Variants in CHRDL1 observed in about 807,000 individuals in gnomAD.
CHRDL1 encodes chordin-like protein 1.
Under a neutral mutation model 40.9 loss-of-function variants are expected in CHRDL1, and 19 were observed. The ratio of observed to expected loss-of-function variants is 0.46; its 90% CI spans 0.32 to 0.68. CHRDL1 has a LOEUF of 0.68. CHRDL1 is among the 30% of genes least tolerant of loss of function. CHRDL1 has a pLI of 0.03. For synonymous variants in CHRDL1, 136 were observed against 123.4 expected, an observed-to-expected ratio of 1.10 and a Z score of -0.68; for missense variants, 329 against 352.1, an observed-to-expected ratio of 0.93 and a Z score of 0.53.
At chrX:110,763,918 G>A (rs184889805) in intron 2 of CHRDL1, among the ~76,000 whole-genome samples, 1 of 111,506 alleles carries the variant, frequency 9.0e-6, no homozygotes, top group African/African-American at 3.3e-5. Context: ...GGAGTATGGT[G>A]GTATTGCATT....
At chrX:110,791,259 G>A (rs914633440) in intron 2 of CHRDL1, among the ~76,000 whole-genome samples, 7 of 111,493 alleles carry the variant, frequency 6.3e-5, no homozygotes, top group African/African-American at 2.3e-4. Flanking sequence ...GTCAAAAAGG[G>A]GAACTAGAGC....
intron 2 of CHRDL1, among the ~76,000 whole-genome samples, chrX:110,775,537 A>G (rs1160494495): frequency 9.0e-6 from 1 of 111,512 alleles, no homozygotes; most frequent in Non-Finnish European, 1.9e-5. Flanking sequence ...TTTTATATGT[A>G]TCTCATAACA....
At chrX:110,795,473 G>T (rs770067849) in intron 1 of CHRDL1, among the ~76,000 whole-genome samples, 2 of 111,687 alleles carry the variant, frequency 1.8e-5, no homozygotes, top group East Asian at 2.8e-4. Flanking sequence ...CTCTCAAAGC[G>T]CCAGAGCATA....
Position 110,674,006 on chromosome X carries a change from G to T in CHRDL1, c.*2225C>A, listed in dbSNP as rs2069721914. On this transcript the variant is annotated 3_prime_UTR_variant, in exon 12 of 12. Coordinates refer to ENST00000372042, the MANE Select transcript of CHRDL1 (RefSeq NM_001143981.2). ...CTTACTTGTTTACATGAGTTAACTA[G>T]AAAATGGCTACAACTGCTAAATGAT... 1 of 112,315 alleles carries T rather than the reference G, an allele frequency of 8.9e-6. No homozygotes were observed. Among genetic ancestry groups the T allele is most frequent in the Admixed American group, 9.5e-5 (1 of 10,550 alleles). 9.3% of individuals were successfully genotyped at this position (112,315 alleles called of 1,213,427 possible). A position where few individuals can be genotyped will look rare whatever the true frequency, so the allele number is the denominator to read the frequency against.
intron 6 of CHRDL1, among the ~76,000 whole-genome samples, chrX:110,718,301 C>T (rs1249558250): frequency 8.9e-6 from 1 of 112,149 alleles, no homozygotes; most frequent in Non-Finnish European, 1.9e-5. Context: ...CTAGTCTCTC[C>T]ACTTGCATTA....
chrX:110,690,023 GTATATCTATATATATCTA>G lies in CHRDL1; in HGVS notation c.779-1238_779-1221del, dbSNP rs2070235615. Among the ~76,000 whole-genome samples the G allele has an allele frequency of 1.4e-4, 2 of 14,587 alleles. 1 individual carries two copies. The highest frequency in any genetic ancestry group is 2.4e-4 in the Non-Finnish European group (2 of 8,274). 12.7% of individuals were successfully genotyped at this position (14,587 alleles called of 115,157 possible). Reference sequence around the variant, plus strand: ...TATATCTATATATATCTATATATCTGTATATCTATATATATCTATATATATATATATTTTTTTTTTGAG... The same window carrying G: ...TATATCTATATATATCTATATATCTGTATATATATATATTTTTTTTTTGAG... On this transcript the variant is annotated intron_variant, in intron 8 of 11. Coordinates refer to ENST00000372042, the MANE Select transcript of CHRDL1 (RefSeq NM_001143981.2).
chrX:110,747,176 T>C (rs1457651445), intron 4 of CHRDL1, among the ~76,000 whole-genome samples: 2 of 110,723 alleles, frequency 1.8e-5, no homozygotes, highest in Admixed American at 1.9e-4. Flanking sequence ...AAGCCAAACA[T>C]GCCCTCTGGC....
chrX:110,789,513 T>C (rs2090066559), intron 2 of CHRDL1, among the ~76,000 whole-genome samples: 1 of 112,187 alleles, frequency 8.9e-6, no homozygotes, highest in Admixed American at 9.5e-5. Context: ...TCTACAAATA[T>C]AGACTGGTTA....
At chrX:110,790,991 C>T (rs1177869889) in intron 2 of CHRDL1, among the ~76,000 whole-genome samples, 1 of 108,677 alleles carries the variant, frequency 9.2e-6, no homozygotes, top group African/African-American at 3.4e-5. Flanking sequence ...AAGAAGACTA[C>T]ACTTACTATG....
At chrX:110,787,107 AG>A in intron 2 of CHRDL1, among the ~76,000 whole-genome samples, 1 of 111,961 alleles carries the variant, frequency 8.9e-6, no homozygotes, top group Non-Finnish European at 1.9e-5. Flanking sequence ...CTTAAAATTA[AG>A]GGGATAATAT....
Position 110,697,826 on chromosome X carries a change from A to G in CHRDL1, c.609+2828T>C, listed in dbSNP as rs368507498. On this transcript the variant is annotated intron_variant, in intron 7 of 11. Transcript: ENST00000372042. Reference sequence around the variant, plus strand: ...ATACCACACCACTCCACACACACACACACACACACACACACACACACACAC... The same window carrying G: ...ATACCACACCACTCCACACACACACGCACACACACACACACACACACACAC... 1.7e-4 allele frequency among the ~76,000 whole-genome samples: 10 copies of G among 57,827 alleles called. No homozygotes were observed. The African/African-American group carries it at 3.0e-3, about 17-fold the overall frequency. The allele number at this position is 57,827 out of a possible 115,157, so 50.2% of individuals were successfully genotyped here. A position where few individuals can be genotyped will look rare whatever the true frequency, so the allele number is the denominator to read the frequency against.
At chrX:110,727,267 T>C (rs2071075453) in intron 4 of CHRDL1, among the ~76,000 whole-genome samples, 1 of 111,853 alleles carries the variant, frequency 8.9e-6, no homozygotes, top group South Asian at 3.8e-4. Context: ...ATTTTCAAAC[T>C]AGGTTCTGTG....
chrX:110,793,771 C>G (rs1410988137), intron 1 of CHRDL1, among the ~76,000 whole-genome samples: 1 of 111,761 alleles, frequency 8.9e-6, no homozygotes, highest in Admixed American at 9.5e-5. Context: ...TTAGGGTCTC[C>G]CCATGCGAGA....
chrX:110,705,388 T>C (rs1448505536), intron 6 of CHRDL1, among the ~76,000 whole-genome samples: 1 of 106,023 alleles, frequency 9.4e-6, no homozygotes, highest in African/African-American at 3.4e-5. Flanking sequence ...CACAGACACA[T>C]ATATATACCA....
intron 2 of CHRDL1, among the ~76,000 whole-genome samples, chrX:110,773,395 T>A (rs918076346): frequency 8.9e-6 from 1 of 112,053 alleles, no homozygotes; most frequent in Admixed American, 9.5e-5. Flanking sequence ...TACAGCTTTC[T>A]GTTACTGATT....
chrX:110,692,591 T>C (rs1312026657), intron 8 of CHRDL1, among the ~76,000 whole-genome samples: 1 of 112,450 alleles, frequency 8.9e-6, no homozygotes, highest in East Asian at 2.8e-4. Context: ...TGGAATCTAT[T>C]GGAGGCAATT....
intron 10 of CHRDL1, among the ~76,000 whole-genome samples, chrX:110,680,451 GA>G (rs1198514381): frequency 1.8e-5 from 2 of 111,273 alleles, no homozygotes; most frequent in Admixed American, 1.9e-4. Flanking sequence ...TAAAGGGAGA[GA>G]AAAAAAGCCT....
At chrX:110,681,696 A>G (rs749412259) in intron 9 of CHRDL1, 47 bp from the exon 10 acceptor site, 16 of 977,732 alleles carry the variant, frequency 1.6e-5, no homozygotes, top group Middle Eastern at 2.7e-4. Context: ...TTCTAAAGCT[A>G]GAAGTGAACT....
At chrX:110,721,106 T>A (rs2070942988) in intron 5 of CHRDL1, among the ~76,000 whole-genome samples, 1 of 111,767 alleles carries the variant, frequency 8.9e-6, no homozygotes, top group African/African-American at 3.3e-5. Flanking sequence ...ATAATTATTA[T>A]GAAAAGGAGC....
Sources: allele counts gnomAD v4.1 joint callset (sites outside exome capture counted in the v4.1 genomes callset), GRCh38; gene constraint gnomAD v4.1.1; transcripts MANE v1.5; gene names NCBI Gene and HGNC (gene_info 2026-07-23, HGNC 2026-07-21).